MYT1L: variants seen among roughly 807,000 people sequenced by gnomAD.
MYT1L encodes the protein myelin transcription factor 1 like.
Under a neutral mutation model 126.7 loss-of-function variants are expected in MYT1L, and 12 were observed. That is an observed-to-expected ratio of 0.09 (90% CI 0.06 to 0.15). The LOEUF (loss-of-function observed/expected upper bound fraction) is 0.15, where lower values mean the gene tolerates loss of function less well. MYT1L is among the 10% of genes least tolerant of loss of function. The pLI is 1.00. For synonymous variants in MYT1L, 541 were observed against 604.2 expected, an observed-to-expected ratio of 0.90 and a Z score of 1.53; for missense variants, 979 against 1,585.2, an observed-to-expected ratio of 0.62 and a Z score of 6.49.
chr2:1,971,670 G>T (rs1452963053), intron 8 of MYT1L, among the ~76,000 whole-genome samples: 1 of 152,210 alleles, frequency 6.6e-6, no homozygotes, highest in Non-Finnish European at 1.5e-5. Flanking sequence ...GGCGGAAGTT[G>T]CAGTGAGCTG....
At chr2:1,904,949 G>C (rs1187249628) in intron 13 of MYT1L, among the ~76,000 whole-genome samples, 1 of 150,110 alleles carries the variant, frequency 6.7e-6, no homozygotes, top group Non-Finnish European at 1.5e-5. Flanking sequence ...ACCTGCCACT[G>C]TGCCCAGCTA....
At chr2:1,838,146 T>C in intron 21 of MYT1L, among the ~76,000 whole-genome samples, 1 of 152,128 alleles carries the variant, frequency 6.6e-6, no homozygotes, top group Non-Finnish European at 1.5e-5. Flanking sequence ...ACTCCTGACC[T>C]CAGGTGATCT....
chr2:1,878,079 A>G (rs1447021432), intron 18 of MYT1L, among the ~76,000 whole-genome samples: 1 of 152,220 alleles, frequency 6.6e-6, no homozygotes, highest in Non-Finnish European at 1.5e-5. Context: ...ATAACACCTG[A>G]TTAACTAAAT....
rs2036681807 is a variant in MYT1L, at chr2:1,811,670, C to T, written c.3081-2503G>A. ...CACTGCTGCTTCTGATGGATCCTCT[C>T]ACCCTGCCTGCTGCTGTTTACACCG... On this transcript the variant is annotated intron_variant, in intron 21 of 24. Transcript: ENST00000647738. This position sits in a 1 kb window ranked among gnomAD's most constrained non-coding sequence, Gnocchi z 4.4. 6.6e-6 allele frequency: 1 copy of T among 152,590 alleles called. No homozygotes were observed. Among genetic ancestry groups the T allele is most frequent in the South Asian group, 2.1e-4 (1 of 4,838 alleles). 9.5% of individuals were successfully genotyped at this position (152,590 alleles called of 1,614,324 possible).
intron 3 of MYT1L, among the ~76,000 whole-genome samples, chr2:2,121,429 C>A (rs1242536224): frequency 1.3e-5 from 2 of 151,936 alleles, no homozygotes; most frequent in East Asian, 3.9e-4. Flanking sequence ...CCCGCCTAGG[C>A]CACCCAAGGT....
intron 21 of MYT1L, among the ~76,000 whole-genome samples, chr2:1,815,654 G>A (rs2037505125): frequency 6.6e-6 from 1 of 152,012 alleles, no homozygotes. Flanking sequence ...CACCCCCCTG[G>A]GTACACCTCC....
At chr2:2,026,602 A>T (rs910269700) in intron 4 of MYT1L, among the ~76,000 whole-genome samples, 1 of 152,168 alleles carries the variant, frequency 6.6e-6, no homozygotes, top group Admixed American at 6.5e-5. Flanking sequence ...GCTTCCTAGG[A>T]CAGGAAATGC....
At chr2:1,800,870 C>T (rs907870758) in intron 23 of MYT1L, among the ~76,000 whole-genome samples, 3 of 152,160 alleles carry the variant, frequency 2.0e-5, no homozygotes, top group Non-Finnish European at 2.9e-5. Context: ...CTCATCACAC[C>T]GTGGCCTGCT....
At chr2:1,886,325 A>C in intron 18 of MYT1L, 1 of 405,104 alleles carries the variant, frequency 2.5e-6, no homozygotes, top group Non-Finnish European at 4.4e-6. Context: ...TGATATGAAC[A>C]AGCTGGAGGT....
At chr2:1,851,524 T>A (rs973594483) in intron 19 of MYT1L, 117 bp downstream of exon 19, 21 of 918,854 alleles carry the variant, frequency 2.3e-5, no homozygotes, top group Non-Finnish European at 3.5e-5. Context: ...AGTCTCTAGA[T>A]CCTTAATTTT....
At chr2:1,985,427 T>C (rs766376267) in intron 5 of MYT1L, among the ~76,000 whole-genome samples, 15 of 152,216 alleles carry the variant, frequency 9.9e-5, no homozygotes, top group Non-Finnish European at 2.1e-4. Context: ...AATTACTCTT[T>C]CCAAGGCAGC....
intron 4 of MYT1L, among the ~76,000 whole-genome samples, chr2:2,005,643 C>T (rs115056666): frequency 0.042 from 6,351 of 150,328 alleles, 195 homozygotes; most frequent in Non-Finnish European, 0.065. Flanking sequence ...TTCCTGCAGG[C>T]GTTCTTTCCT....
chr2:2,210,827 G>A (rs1397189688), intron 2 of MYT1L, among the ~76,000 whole-genome samples: 8 of 152,072 alleles, frequency 5.3e-5, no homozygotes, highest in Admixed American at 1.3e-4. Context: ...TAGTATGGAC[G>A]TTTTAACAAT....
intron 3 of MYT1L, among the ~76,000 whole-genome samples, chr2:2,104,162 G>A (rs574597510): frequency 5.3e-5 from 8 of 152,318 alleles, no homozygotes; most frequent in African/African-American, 1.4e-4. Context: ...GTATGTCCTC[G>A]AAATAGGTAC....
chr2:1,791,056 A>C lies in MYT1L; in HGVS notation c.*811T>G, dbSNP rs991856728. The C allele has an allele frequency of 2.8e-6, 1 of 359,708 alleles. No homozygotes were observed. The highest frequency in any genetic ancestry group is 5.6e-6 in the Non-Finnish European group (1 of 178,236). 22.3% of individuals were successfully genotyped at this position (359,708 alleles called of 1,614,324 possible). On this transcript the variant is annotated 3_prime_UTR_variant, in exon 25 of 25. Transcript: ENST00000647738. The surrounding 1 kb of genome is among the most constrained non-coding windows in gnomAD (Gnocchi z 6.0). The stretch of plus-strand genomic sequence containing the variant: ...TCCACCTCTGATAAGATCCTGTCTT[A>C]ACTGGAGTTTCCATAGTCACAACCA...
chr2:1,814,473 C>T (rs1414038572), intron 21 of MYT1L, among the ~76,000 whole-genome samples: 1 of 152,202 alleles, frequency 6.6e-6, no homozygotes, highest in African/African-American at 2.4e-5. Flanking sequence ...ATGCCCACCA[C>T]ATTGCTATGT....
chr2:2,185,938 G>A (rs1477902187), intron 2 of MYT1L, among the ~76,000 whole-genome samples: 2 of 122,132 alleles, frequency 1.6e-5, no homozygotes, highest in African/African-American at 7.3e-5. Flanking sequence ...CCTTCTGTGA[G>A]GCGGACGCAG....
chr2:2,154,910 T>A (rs1298921605), intron 3 of MYT1L, among the ~76,000 whole-genome samples: 1 of 152,230 alleles, frequency 6.6e-6, no homozygotes, highest in African/African-American at 2.4e-5. Context: ...GCAAATCACC[T>A]GAGGTTGGGA....
At position 1,910,098 on chromosome 2, in the gene MYT1L, G is replaced by C; in HGVS notation, c.1817+142C>G. On this transcript the variant is annotated intron_variant, in intron 13 of 24. Coordinates refer to ENST00000647738, the MANE Select transcript of MYT1L (RefSeq NM_001303052.2). The surrounding 1 kb of genome is among the most constrained non-coding windows in gnomAD (Gnocchi z 4.8). Reference sequence around the variant, plus strand: ...GCCTGGCCTGGAGTGAGGGGTCCTGGCCCCGGCTTCCAGCACAGCCCCGCC... The same window carrying C: ...GCCTGGCCTGGAGTGAGGGGTCCTGCCCCCGGCTTCCAGCACAGCCCCGCC... 2.8e-6 allele frequency: 2 copies of C among 713,730 alleles called. No homozygotes were observed. Among genetic ancestry groups the C allele is most frequent in the Non-Finnish European group, 2.3e-6 (1 of 426,984 alleles). 44.2% of individuals were successfully genotyped at this position (713,730 alleles called of 1,614,324 possible). A position where few individuals can be genotyped will look rare whatever the true frequency, so the allele number is the denominator to read the frequency against.
Sources: allele counts gnomAD v4.1 joint callset (sites outside exome capture counted in the v4.1 genomes callset), GRCh38; gene constraint gnomAD v4.1.1; non-coding constraint Gnocchi (gnomAD v3.1); transcripts MANE v1.5; gene names NCBI Gene and HGNC (gene_info 2026-07-23, HGNC 2026-07-21).